Variants in LPP observed in about 807,000 individuals in gnomAD.
LPP encodes LIM domain containing preferred translocation partner in lipoma, also known as lipoma-preferred partner.
In LPP, 38 loss-of-function variants were observed where a neutral mutation model predicts 60.4. The ratio of observed to expected loss-of-function variants is 0.63; its 90% CI spans 0.49 to 0.83. The LOEUF is 0.83. Ranked by LOEUF, LPP falls within the 40% of genes least tolerant of loss-of-function variation. The pLI is 0.00. For synonymous variants in LPP, 328 were observed against 290.8 expected (o/e 1.13, Z -1.30); for missense variants, 902 against 783.6 (o/e 1.15, Z -1.80).
intron 8 of LPP, among the ~76,000 whole-genome samples, chr3:188,716,333 G>A (rs1713979939): frequency 6.6e-6 from 1 of 152,188 alleles, no homozygotes; most frequent in Non-Finnish European, 1.5e-5. Flanking sequence ...TATTGGTTAT[G>A]CCAGCTCATT....
At chr3:188,793,752 C>T (rs2151055277) in intron 9 of LPP, among the ~76,000 whole-genome samples, 1 of 152,112 alleles carries the variant, frequency 6.6e-6, no homozygotes, top group Admixed American at 6.5e-5. Context: ...AAGGTGTGCC[C>T]TTAGGTGCTA....
At chr3:188,685,885 T>C (rs1369505285) in intron 7 of LPP, among the ~76,000 whole-genome samples, 1 of 152,196 alleles carries the variant, frequency 6.6e-6, no homozygotes, top group African/African-American at 2.4e-5. Context: ...TATTTATTAT[T>C]TATCCCCTTC....
intron 1 of LPP, among the ~76,000 whole-genome samples, chr3:188,201,433 G>A (rs1016347829): frequency 1.3e-5 from 2 of 152,160 alleles, no homozygotes; most frequent in East Asian, 1.9e-4. Flanking sequence ...GATGCCAGGC[G>A]TGGTGGCTCA....
intron 6 of LPP, among the ~76,000 whole-genome samples, chr3:188,532,737 A>G (rs551292396): frequency 2.2e-4 from 33 of 152,120 alleles, no homozygotes; most frequent in Non-Finnish European, 4.4e-4. Flanking sequence ...CCCCCTTTTC[A>G]AAAGATAGAA....
intron 6 of LPP, among the ~76,000 whole-genome samples, chr3:188,592,557 G>GTTGTTGTTTGTTTTTTTTTTTTTTTT (rs1553936334): frequency 3.5e-5 from 3 of 85,796 alleles, no homozygotes; most frequent in East Asian, 4.8e-4. Context: ...TTTTGTTTTT[G>GTTGTTGTTTGTTTTTTTTTTTTTTTT]TTTTTTAAAT....
intron 9 of LPP, among the ~76,000 whole-genome samples, chr3:188,768,777 T>C (rs1734936625): frequency 6.6e-6 from 1 of 152,038 alleles, no homozygotes; most frequent in South Asian, 2.1e-4. Flanking sequence ...CATGATCATG[T>C]TCCCCCAGAG....
intron 4 of LPP, among the ~76,000 whole-genome samples, chr3:188,411,593 T>C (rs572705416): frequency 6.6e-6 from 1 of 152,216 alleles, no homozygotes; most frequent in Non-Finnish European, 1.5e-5. Flanking sequence ...GACAACAAGA[T>C]AAGATAATGC....
intron 4 of LPP, among the ~76,000 whole-genome samples, chr3:188,448,916 T>A (rs1053092025): frequency 6.6e-6 from 1 of 152,216 alleles, no homozygotes; most frequent in African/African-American, 2.4e-5. Context: ...TATTCTACCT[T>A]CTTAAATCTT....
intron 7 of LPP, among the ~76,000 whole-genome samples, chr3:188,646,882 T>C (rs1005079267): frequency 3.9e-5 from 6 of 152,208 alleles, no homozygotes; most frequent in African/African-American, 1.4e-4. Context: ...CTGGAATCAT[T>C]GCAACCTCAA....
intron 3 of LPP, among the ~76,000 whole-genome samples, chr3:188,367,560 C>A (rs1463989600): frequency 2.6e-5 from 4 of 152,076 alleles, no homozygotes; most frequent in Admixed American, 2.0e-4. Flanking sequence ...TGTACAAGTT[C>A]CTAATTGGAT....
intron 3 of LPP, among the ~76,000 whole-genome samples, chr3:188,405,687 G>A (rs1783293320): frequency 6.6e-6 from 1 of 151,952 alleles, no homozygotes; most frequent in Non-Finnish European, 1.5e-5. Flanking sequence ...TAATTGGTGA[G>A]ATAATTAATT....
rs1769247579 is a variant in LPP, at chr3:188,876,295, G to A, written c.*1816G>A. On this transcript the variant is annotated 3_prime_UTR_variant, in exon 12 of 12. Coordinates refer to ENST00000617246, the MANE Select transcript of LPP (RefSeq NM_001375462.1). ...TTTTTTTGTGACTAGAAATTCTTAA[G>A]CCGATGGTCACTATAGCTCATCCTT... 5.3e-6 allele frequency: 1 copy of A among 189,442 alleles called. No individual in the cohort carries two copies. Among genetic ancestry groups the A allele is most frequent in the Non-Finnish European group, 1.1e-5 (1 of 89,896 alleles). The allele number at this position is 189,442 out of a possible 1,614,324, so 11.7% of individuals were successfully genotyped here.
rs5855202 is a variant in LPP, at chr3:188,488,020, CTTT to C, written c.306+3330_306+3332del. On this transcript the variant is annotated intron_variant, in intron 5 of 11. Transcript: ENST00000617246. ...TTCAAGTATTTGCTAAATTAATTTCCTTTTTTTTTTTTTTTTGGAAATGGGGAA... is the reference window on the plus strand; with the variant it reads ...TTCAAGTATTTGCTAAATTAATTTCCTTTTTTTTTTTTTGGAAATGGGGAA... Among the ~76,000 whole-genome samples the C allele has an allele frequency of 9.0e-3, 1,233 of 136,354 alleles. 17 individuals carry two copies. Among genetic ancestry groups the C allele is most frequent in the African/African-American group, 0.03 (1,087 of 36,390 alleles). The allele number at this position is 136,354 out of a possible 152,430, so 89.5% of individuals were successfully genotyped here.
At chr3:188,830,679 A>G (rs1411527514) in intron 9 of LPP, among the ~76,000 whole-genome samples, 5 of 152,178 alleles carry the variant, frequency 3.3e-5, no homozygotes, top group Non-Finnish European at 5.9e-5. Flanking sequence ...AATAGGGAAG[A>G]AGGTTATGTT....
intron 8 of LPP, chr3:188,710,286 C>T (rs1341781144): frequency 1.3e-5 from 2 of 152,010 alleles, no homozygotes; most frequent in East Asian, 3.9e-4. Context: ...GCTAAAAGAG[C>T]AAAAAGAGTG....
At chr3:188,357,248 A>G (rs1295655177) in intron 3 of LPP, among the ~76,000 whole-genome samples, 1 of 152,232 alleles carries the variant, frequency 6.6e-6, no homozygotes, top group Non-Finnish European at 1.5e-5. Context: ...TTTTTCATGG[A>G]CAGAAAACCT....
At chr3:188,180,195 G>A (rs1305001675) in intron 1 of LPP, 1 of 154,344 alleles carries the variant, frequency 6.5e-6, no homozygotes, top group Non-Finnish European at 1.5e-5. Context: ...TTTGTCCTTC[G>A]GCTTCCCAGC....
At chr3:188,512,467 GCTTGAA>G (rs1373573722) in intron 5 of LPP, among the ~76,000 whole-genome samples, 1 of 114,456 alleles carries the variant, frequency 8.7e-6, no homozygotes, top group Admixed American at 9.6e-5. Flanking sequence ...CAGGAGAATT[GCTTGAA>G]CCTGGGAGAC....
intron 4 of LPP, among the ~76,000 whole-genome samples, chr3:188,469,162 A>G (rs1801170508): frequency 6.6e-6 from 1 of 152,106 alleles, no homozygotes; most frequent in Admixed American, 6.6e-5. Context: ...AAAAACCGTT[A>G]AGTTCTTGGA....
Sources: allele counts gnomAD v4.1 joint callset (sites outside exome capture counted in the v4.1 genomes callset), GRCh38; gene constraint gnomAD v4.1.1; transcripts MANE v1.5; gene names NCBI Gene and HGNC (gene_info 2026-07-23, HGNC 2026-07-21).